VAV3: variants seen among roughly 807,000 people sequenced by gnomAD.
VAV3 encodes the protein guanine nucleotide exchange factor VAV3.
In VAV3, 94 loss-of-function variants were observed where a neutral mutation model predicts 131.2. That is an observed-to-expected ratio of 0.72 (90% confidence interval 0.61 to 0.85). The LOEUF (loss-of-function observed/expected upper bound fraction) is 0.85, where lower values mean the gene tolerates loss of function less well. VAV3 is among the 40% of genes least tolerant of loss of function. The pLI is 0.00. For missense variants in VAV3, 939 were observed against 1,002.7 expected, an observed-to-expected ratio of 0.94 and a Z score of 0.86; for synonymous variants, 349 against 342.0, an observed-to-expected ratio of 1.02 and a Z score of -0.22.
intron 1 of VAV3, among the ~76,000 whole-genome samples, chr1:107,913,987 G>A (rs566883447): frequency 4.4e-4 from 67 of 152,068 alleles, no homozygotes; most frequent in Non-Finnish European, 9.0e-4. Context: ...TAGAGACGGG[G>A]TTTCACCATG....
chr1:107,602,592 CA>C, intron 23 of VAV3, 108 bp from the exon 24 acceptor site: 3 of 804,116 alleles, frequency 3.7e-6, no homozygotes, highest in Non-Finnish European at 3.8e-6. Flanking sequence ...ATTCTGCAGA[CA>C]AAAATATATA....
chr1:107,829,963 A>G (rs185622865), intron 2 of VAV3, among the ~76,000 whole-genome samples: 3 of 152,298 alleles, frequency 2.0e-5, no homozygotes, highest in Admixed American at 2.0e-4. Context: ...TCATTTAAAG[A>G]ACTAAATTTA....
At chr1:107,638,402 ATAAAT>A (rs1465251442) in intron 20 of VAV3, among the ~76,000 whole-genome samples, 9 of 152,236 alleles carry the variant, frequency 5.9e-5, no homozygotes, top group Admixed American at 1.3e-4. Flanking sequence ...AATGAACAAC[ATAAAT>A]TAAAATATTA....
At chr1:107,781,890 A>C (rs1665710550) in intron 2 of VAV3, among the ~76,000 whole-genome samples, 1 of 152,216 alleles carries the variant, frequency 6.6e-6, no homozygotes. Flanking sequence ...AAATACTAAT[A>C]AATTTATCAA....
Position 107,964,801 on chromosome 1 carries a change from C to T in VAV3, c.69G>A (p.Val23=). The T allele has an allele frequency of 6.2e-7, 1 of 1,614,026 alleles. No homozygotes were observed. The highest frequency in any genetic ancestry group is 8.5e-7 in the Non-Finnish European group (1 of 1,179,992). Residue 23 remains valine (V), a synonymous_variant, in exon 1 of 27, where the codon GTG becomes GTA. Coordinates refer to ENST00000370056, the MANE Select transcript of VAV3 (RefSeq NM_006113.5). ...CGAACACCTGAGCCGAGTCCCAGGT[C>T]ACCCGGTGGTTGGTGGGCAGCACCT... is the stretch of plus-strand genomic sequence containing the variant. ...HCKVLPTNHR[V]TWDSAQVFDL...
chr1:107,822,910 T>A (rs1337587233), intron 2 of VAV3, among the ~76,000 whole-genome samples: 1 of 152,126 alleles, frequency 6.6e-6, no homozygotes, highest in Non-Finnish European at 1.5e-5. Context: ...CTTGTTCTGT[T>A]AATATTACAT....
intron 25 of VAV3, chr1:107,576,265 G>T: frequency 1.4e-6 from 1 of 704,648 alleles, no homozygotes; most frequent in Non-Finnish European, 2.2e-6. Context: ...AGTGCATGGT[G>T]GTAATGGAAC....
rs562897111 is a variant in VAV3, at chr1:107,695,143, G to A, written c.1706-6737C>T. Among the ~76,000 whole-genome samples the A allele has an allele frequency of 4.9e-4, 74 of 152,230 alleles. 1 individual carries two copies. In the South Asian group the frequency reaches 0.014, roughly 29 times the overall value. ...GAACTGTGAGTAGTTAAAGAGAGTC[G>A]TGTTATAGGTTGGGGGATAGGAGGA... On this transcript the variant is annotated intron_variant, in intron 17 of 26. Transcript: ENST00000370056.
At chr1:107,573,626 G>A (rs1484550820) in intron 26 of VAV3, among the ~76,000 whole-genome samples, 1 of 152,130 alleles carries the variant, frequency 6.6e-6, no homozygotes, top group East Asian at 1.9e-4. Context: ...ATACAGGGGG[G>A]CTCTGCTGCA....
At chr1:107,656,971 C>T (rs1456543192) in intron 19 of VAV3, among the ~76,000 whole-genome samples, 4 of 91,684 alleles carry the variant, frequency 4.4e-5, no homozygotes, top group Admixed American at 3.3e-4. Context: ...TTTTTTTTTC[C>T]GAGACGATGT....
chr1:107,888,266 T>C (rs1179033082), intron 1 of VAV3, among the ~76,000 whole-genome samples: 6 of 152,144 alleles, frequency 3.9e-5, no homozygotes, highest in Admixed American at 2.0e-4. Flanking sequence ...TCAGAAAAAG[T>C]TGGCCTATAT....
At chr1:107,894,219 A>C (rs1399572067) in intron 1 of VAV3, among the ~76,000 whole-genome samples, 1 of 152,216 alleles carries the variant, frequency 6.6e-6, no homozygotes, top group Non-Finnish European at 1.5e-5. Context: ...TATTAATTTA[A>C]ATTTTCACAC....
chr1:107,892,692 A>C (rs1461679477), intron 1 of VAV3, among the ~76,000 whole-genome samples: 1 of 152,210 alleles, frequency 6.6e-6, no homozygotes, highest in Non-Finnish European at 1.5e-5. Flanking sequence ...ATATATATTC[A>C]CTAAAAATTA....
At chr1:107,617,298 A>G (rs1380507331) in intron 21 of VAV3, among the ~76,000 whole-genome samples, 1 of 152,130 alleles carries the variant, frequency 6.6e-6, no homozygotes, top group Non-Finnish European at 1.5e-5. Context: ...TCTAATTTGT[A>G]GCTGTGGTTT....
chr1:107,817,873 C>T (rs532450924), intron 2 of VAV3, among the ~76,000 whole-genome samples: 11 of 152,212 alleles, frequency 7.2e-5, no homozygotes, highest in South Asian at 2.1e-4. Context: ...GAAAAAAATG[C>T]AATTTACTGC....
At chr1:107,842,990 A>G (rs1485641472) in intron 2 of VAV3, among the ~76,000 whole-genome samples, 1 of 152,156 alleles carries the variant, frequency 6.6e-6, no homozygotes, top group Non-Finnish European at 1.5e-5. Flanking sequence ...ACCTACTGAG[A>G]AAAAAGTAGA....
chr1:107,748,747 TTTC>T (rs998604614), intron 15 of VAV3, among the ~76,000 whole-genome samples: 1 of 152,162 alleles, frequency 6.6e-6, no homozygotes, highest in African/African-American at 2.4e-5. Context: ...GAGCTCCCTC[TTTC>T]TTCTTTTTGA....
chr1:107,743,710 T>C (rs1261315731), intron 15 of VAV3, among the ~76,000 whole-genome samples: 1 of 152,180 alleles, frequency 6.6e-6, no homozygotes, highest in Non-Finnish European at 1.5e-5. Context: ...TATCTTTAGA[T>C]TAAAACAAAT....
chr1:107,695,354 T>A (rs928631453), intron 17 of VAV3, among the ~76,000 whole-genome samples: 5 of 152,166 alleles, frequency 3.3e-5, no homozygotes, highest in Non-Finnish European at 1.5e-5. Context: ...TTTTGAGTTG[T>A]TCAAGCAAGA....
Sources: allele counts gnomAD v4.1 joint callset (sites outside exome capture counted in the v4.1 genomes callset), GRCh38; gene constraint gnomAD v4.1.1; transcripts MANE v1.5; gene names NCBI Gene and HGNC (gene_info 2026-07-23, HGNC 2026-07-21).